The following SYNC variants were observed in gnomAD, a reference collection of about 807,000 sequenced individuals.
SYNC encodes syncoilin.
A neutral mutation model predicts 49.5 loss-of-function variants in SYNC; 38 were observed. That is an observed-to-expected ratio of 0.77 (90% CI 0.59 to 1.01). The LOEUF is 1.01. Among genes scored for constraint, SYNC ranks in the 50% least tolerant of loss-of-function variants. The pLI, the probability that SYNC is intolerant of heterozygous loss-of-function variation, is 0.00. For missense variants in SYNC, 579 were observed against 580.6 expected (o/e 1.00, Z 0.03); for synonymous variants, 201 against 230.8 (o/e 0.87, Z 1.17).
At position 32,695,246 on chromosome 1, in the gene SYNC, G is replaced by C. The variant is rs1650357923; in HGVS notation, c.852C>G (p.Leu284=). Residue 284 remains leucine, a synonymous_variant, in exon 2 of 5, where the codon CTC becomes CTG. Coordinates refer to ENST00000409190, the MANE Select transcript of SYNC (RefSeq NM_030786.3). Reference sequence around the variant, plus strand: ...CCCGGAGCTGGGCCAGTTCCTCTGAGAGCTGGGTTGCCCTTGTAGTCAGCA... The same window carrying C: ...CCCGGAGCTGGGCCAGTTCCTCTGACAGCTGGGTTGCCCTTGTAGTCAGCA... The part of the protein sequence containing the change: ...REVLTTRATQ[L]SEELAQLRDA... The C allele has an allele frequency of 6.4e-7, 1 of 1,552,108 alleles. No individual in the cohort carries two copies. Among genetic ancestry groups the C allele is most frequent in the Non-Finnish European group, 8.7e-7 (1 of 1,147,230 alleles).
chr1:32,688,133 C>T (rs2148551365), intron 2 of SYNC, among the ~76,000 whole-genome samples: 1 of 152,142 alleles, frequency 6.6e-6, no homozygotes, highest in East Asian at 1.9e-4. Context: ...CTGCTCCTGG[C>T]ATGAATTCAT....
At chr1:32,689,277 T>G (rs1650046989) in intron 2 of SYNC, among the ~76,000 whole-genome samples, 2 of 106,364 alleles carry the variant, frequency 1.9e-5, no homozygotes, top group Admixed American at 2.4e-4. Context: ...GGTGAGTCAC[T>G]GTCACCCAGG....
Position 32,702,588 on chromosome 1 carries a change from C to G in SYNC, c.53+20G>C, listed in dbSNP as rs1436602131. ...CCCCTTCCCCAGCGGGGCGGCGACG[C>G]GGGCCCGGCACTGTCCTACCTCGCG... On this transcript the variant is annotated intron_variant, in intron 1 of 4. Coordinates refer to ENST00000409190, the MANE Select transcript of SYNC (RefSeq NM_030786.3). This position sits in a 1 kb window ranked among gnomAD's most constrained non-coding sequence, Gnocchi z 6.2. 4 of 1,185,598 alleles carry G rather than the reference C, an allele frequency of 3.4e-6. No homozygotes were observed. Among genetic ancestry groups the G allele is most frequent in the African/African-American group, 1.6e-5 (1 of 62,292 alleles). The allele number at this position is 1,185,598 out of a possible 1,614,324, so 73.4% of individuals were successfully genotyped here.
At position 32,680,027 on chromosome 1, in the gene SYNC, A is replaced by G; in HGVS notation, c.*1823T>C. The G allele has an allele frequency of 8.9e-7, 1 of 1,122,854 alleles. No homozygotes were observed. Among genetic ancestry groups the G allele is most frequent in the Non-Finnish European group, 1.1e-6 (1 of 918,274 alleles). The allele number at this position is 1,122,854 out of a possible 1,614,324, so 69.6% of individuals were successfully genotyped here. A position where few individuals can be genotyped will look rare whatever the true frequency, so the allele number is the denominator to read the frequency against. On this transcript the variant is annotated 3_prime_UTR_variant, in exon 5 of 5. Coordinates refer to ENST00000409190, the MANE Select transcript of SYNC (RefSeq NM_030786.3). Reference sequence around the variant, plus strand: ...TCCCCAAGTTTTTCAGACTCATTTAAGTAAAGGCTAGAGTGAGTAAGGAAT... The same window carrying G: ...TCCCCAAGTTTTTCAGACTCATTTAGGTAAAGGCTAGAGTGAGTAAGGAAT...
chr1:32,702,672 C>G lies in SYNC; in HGVS notation c.-12G>C. 1 of 1,179,180 alleles carries G rather than the reference C, an allele frequency of 8.5e-7. No homozygotes were observed. Among genetic ancestry groups the G allele is most frequent in the Non-Finnish European group, 1.0e-6 (1 of 954,464 alleles). 73.0% of individuals were successfully genotyped at this position (1,179,180 alleles called of 1,614,324 possible). A position where few individuals can be genotyped will look rare whatever the true frequency, so the allele number is the denominator to read the frequency against. On this transcript the variant is annotated 5_prime_UTR_variant, in exon 1 of 5. Coordinates refer to ENST00000409190, the MANE Select transcript of SYNC (RefSeq NM_030786.3). The surrounding 1 kb of genome is among the most constrained non-coding windows in gnomAD (Gnocchi z 6.2). ...TCCGGGCTGGCCATGGCTGCGCGAC[C>G]CCGGGCTGGCGGCCGCGTTATTAAT...
At chr1:32,687,982 T>C (rs916597158) in intron 2 of SYNC, among the ~76,000 whole-genome samples, 1 of 151,892 alleles carries the variant, frequency 6.6e-6, no homozygotes. Context: ...CCCAAGTAGC[T>C]GGGACTACAG....
At chr1:32,688,481 AAT>A (rs1243067295) in intron 2 of SYNC, among the ~76,000 whole-genome samples, 1 of 152,184 alleles carries the variant, frequency 6.6e-6, no homozygotes, top group Non-Finnish European at 1.5e-5. Flanking sequence ...ATAACATTGA[AAT>A]ATGTTTAATT....
chr1:32,693,387 A>T (rs886289703), intron 2 of SYNC, among the ~76,000 whole-genome samples: 3 of 152,166 alleles, frequency 2.0e-5, no homozygotes, highest in African/African-American at 7.2e-5. Context: ...TCCCAGACAG[A>T]GTGTTTTCAT....
Position 32,695,716 on chromosome 1 carries a change from C to T in SYNC, c.382G>A (p.Gly128Arg). 5 of 1,551,602 alleles carry T rather than the reference C, an allele frequency of 3.2e-6. No homozygotes were observed. Among genetic ancestry groups the T allele is most frequent in the Non-Finnish European group, 4.4e-6 (5 of 1,146,994 alleles). ...ACGTGCTCTGGGCTTGTGGGCTTTC[C>T]TGGCTCCACGGGCCCCTCCACAAAC... ...IQFVEGPVEP[G>R]KPTSPEHVVY... is the part of the protein sequence containing the mutation. The change falls in exon 2 of 5, where the codon GGA becomes AGA. Residue 128 changes from glycine (G) to arginine (R), a missense_variant. By Grantham distance (125) the Gly-to-Arg change is moderately radical. Coordinates refer to ENST00000409190, the MANE Select transcript of SYNC (RefSeq NM_030786.3).
intron 1 of SYNC, among the ~76,000 whole-genome samples, chr1:32,698,077 G>T (rs192425702): frequency 6.6e-6 from 1 of 151,792 alleles, no homozygotes; most frequent in Non-Finnish European, 1.5e-5. Flanking sequence ...ACAAAACTTA[G>T]CAGGGCATGA....
intron 4 of SYNC, 113 bp from the exon 5 acceptor site, chr1:32,681,973 T>C: frequency 1.1e-6 from 1 of 933,040 alleles, no homozygotes; most frequent in Non-Finnish European, 1.7e-6. Flanking sequence ...AGGGATGACT[T>C]TCCCCTAGCA....
intron 1 of SYNC, among the ~76,000 whole-genome samples, chr1:32,697,232 G>A (rs528929102): frequency 3.1e-4 from 47 of 149,954 alleles, no homozygotes; most frequent in East Asian, 1.4e-3. Flanking sequence ...ACCTGAGGTC[G>A]GGAGTTCAAG....
Position 32,680,668 on chromosome 1 carries a change from GT to G in SYNC, c.*1181del. The stretch of plus-strand genomic sequence containing the variant: ...TTTCTACATAACCCCATGCTGATGG[GT>G]TTTATTTAGTATAAAACATCCATCA... On this transcript the variant is annotated 3_prime_UTR_variant, in exon 5 of 5. Transcript: ENST00000409190. 1 of 881,144 alleles carries G rather than the reference GT, an allele frequency of 1.1e-6. No individual in the cohort carries two copies. The highest frequency in any genetic ancestry group is 1.7e-6 in the Non-Finnish European group (1 of 574,542). The allele number at this position is 881,144 out of a possible 1,614,324, so 54.6% of individuals were successfully genotyped here.
Position 32,695,789 on chromosome 1 carries a change from T to A in SYNC, c.309A>T (p.Pro103=). 3.9e-6 allele frequency: 6 copies of A among 1,551,724 alleles called. No individual in the cohort carries two copies. The highest frequency in any genetic ancestry group is 5.2e-6 in the Non-Finnish European group (6 of 1,147,000). ...EALHVEEPGN[P]EETVCVEETT... is the part of the protein sequence containing the mutation. ...TTTCCTCCACACACACTGTCTCCTC[T>A]GGATTCCCAGGCTCCTCCACATGCA... The change falls in exon 2 of 5, where the codon CCA becomes CCT. Residue 103 remains proline (P), a synonymous_variant. Coordinates refer to ENST00000409190, the MANE Select transcript of SYNC (RefSeq NM_030786.3).
chr1:32,703,020 G>T (rs977052106), upstream of SYNC: 1 of 153,144 alleles, frequency 6.5e-6, no homozygotes, highest in African/African-American at 2.4e-5. Flanking sequence ...AAGCCCCAGG[G>T]AGCACCTTCC....
chr1:32,683,411 T>C (rs1649585131), intron 4 of SYNC: 2 of 152,246 alleles, frequency 1.3e-5, no homozygotes, highest in African/African-American at 2.4e-5. Context: ...TTCTCTGCTA[T>C]TATAAGGAAA....
intron 4 of SYNC, 36 bp downstream of exon 4, chr1:32,683,974 C>T (rs1192333131): frequency 1.3e-6 from 2 of 1,596,366 alleles, no homozygotes; most frequent in Non-Finnish European, 1.7e-6. Flanking sequence ...AAAGCAGTAA[C>T]AATGCAAACA....
intron 2 of SYNC, 169 bp from the exon 3 acceptor site, chr1:32,684,551 G>A: frequency 2.1e-6 from 2 of 943,910 alleles, no homozygotes; most frequent in Non-Finnish European, 3.1e-6. Flanking sequence ...TTGTGTCTTG[G>A]AAAAAAAGTG....
At chr1:32,683,661 TCTCA>T (rs779357877) in intron 4 of SYNC, 17 of 173,712 alleles carry the variant, frequency 9.8e-5, no homozygotes, top group Admixed American at 2.4e-4. Context: ...TTTGAGGCAG[TCTCA>T]CTCTGTTGTA....
Sources: gnomAD v4.1 joint callset for allele counts (sites outside exome capture counted in the v4.1 genomes callset) on GRCh38, gnomAD v4.1.1 for gene constraint, Gnocchi (gnomAD v3.1) non-coding constraint, MANE v1.5 for transcripts, NCBI Gene and HGNC (gene_info 2026-07-23, HGNC 2026-07-21) for gene names.